Variants in CTNNA2 observed in about 807,000 individuals in gnomAD.
CTNNA2 encodes catenin alpha 2.
A neutral mutation model predicts 101.0 loss-of-function variants in CTNNA2; 42 were observed. That is an observed-to-expected ratio of 0.42 (90% CI 0.32 to 0.54). The LOEUF (loss-of-function observed/expected upper bound fraction) is 0.54. Among genes scored for constraint, CTNNA2 ranks in the 20% least tolerant of loss-of-function variants. The pLI, the probability that CTNNA2 is intolerant of heterozygous loss-of-function variation, is 0.14. For synonymous variants in CTNNA2, 450 were observed against 456.4 expected, an observed-to-expected ratio of 0.99 and a Z score of 0.18; for missense variants, 871 against 1,223.1, an observed-to-expected ratio of 0.71 and a Z score of 4.29.
intron 9 of CTNNA2, among the ~76,000 whole-genome samples, chr2:80,491,883 C>T (rs1408383491): frequency 6.6e-6 from 1 of 152,046 alleles, no homozygotes; most frequent in African/African-American, 2.4e-5. Context: ...AGAGCCAACC[C>T]GTATACTCCA....
Position 80,057,175 on chromosome 2 carries a change from GTTT to G in CTNNA2, c.1056+147391_1056+147393del, listed in dbSNP as rs1233768586. On this transcript the variant is annotated intron_variant, in intron 7 of 18. Coordinates refer to ENST00000402739, the MANE Select transcript of CTNNA2 (RefSeq NM_001282597.3). ...CCATGGGATAAGAAGTATATAAGTT[GTTT>G]TTTTTTTTTTTTAAGGAAGACTGAG... Among the ~76,000 whole-genome samples the G allele has an allele frequency of 1.1e-4, 15 of 142,232 alleles. 1 individual carries two copies. The highest frequency in any genetic ancestry group is 9.9e-4 in the Admixed American group (14 of 14,090). The allele number at this position is 142,232 out of a possible 152,430, so 93.3% of individuals were successfully genotyped here. A position where few individuals can be genotyped will look rare whatever the true frequency, so the allele number is the denominator to read the frequency against.
chr2:80,162,758 T>C, intron 7 of CTNNA2: 2 of 1,600,306 alleles, frequency 1.2e-6, no homozygotes, highest in African/African-American at 2.7e-5. Context: ...GATCCAGAGG[T>C]GAAGAAGCAA....
At chr2:80,184,205 CAA>C (rs1462908602) in intron 7 of CTNNA2, among the ~76,000 whole-genome samples, 1 of 151,960 alleles carries the variant, frequency 6.6e-6, no homozygotes, top group African/African-American at 2.4e-5. Context: ...TTGAAGGAGA[CAA>C]TGCTCATTTG....
chr2:80,279,891 C>A (rs987260901), intron 7 of CTNNA2, among the ~76,000 whole-genome samples: 1 of 151,902 alleles, frequency 6.6e-6, no homozygotes, highest in East Asian at 2.0e-4. Context: ...TCTAAAATGA[C>A]AATATTGGTT....
At chr2:79,886,774 A>G (rs1247618234) in intron 6 of CTNNA2, among the ~76,000 whole-genome samples, 1 of 148,900 alleles carries the variant, frequency 6.7e-6, no homozygotes, top group Non-Finnish European at 1.5e-5. Flanking sequence ...AAAAAAAAAA[A>G]AAGAAGGAAA....
chr2:79,748,526 T>C (rs1018423780), intron 3 of CTNNA2, among the ~76,000 whole-genome samples: 12 of 152,170 alleles, frequency 7.9e-5, no homozygotes, highest in African/African-American at 2.9e-4. Context: ...AAAAGTATTG[T>C]CACTTTTTGT....
At chr2:79,734,312 A>T (rs1213816336) in intron 2 of CTNNA2, among the ~76,000 whole-genome samples, 4 of 152,144 alleles carry the variant, frequency 2.6e-5, no homozygotes, top group African/African-American at 9.6e-5. Context: ...AGGATAACCT[A>T]GGTTGGCAAT....
chr2:80,274,471 A>G (rs995814873), intron 7 of CTNNA2, among the ~76,000 whole-genome samples: 27 of 152,212 alleles, frequency 1.8e-4, no homozygotes, highest in African/African-American at 6.0e-4. Flanking sequence ...TATTATGACA[A>G]CTGATCTTTC....
At chr2:79,607,970 G>A (rs1393242148) in intron 1 of CTNNA2, among the ~76,000 whole-genome samples, 1 of 151,434 alleles carries the variant, frequency 6.6e-6, no homozygotes, top group Non-Finnish European at 1.5e-5. Context: ...TGAAAACAAA[G>A]GCAGGTTGTT....
intron 7 of CTNNA2, among the ~76,000 whole-genome samples, chr2:79,919,515 TG>T (rs1307705065): frequency 6.6e-6 from 1 of 152,144 alleles, no homozygotes; most frequent in Non-Finnish European, 1.5e-5. Flanking sequence ...TAGCTGAGAT[TG>T]TTGACAGAGC....
intron 9 of CTNNA2, among the ~76,000 whole-genome samples, chr2:80,482,919 C>T (rs1009012957): frequency 4.6e-5 from 7 of 152,154 alleles, no homozygotes; most frequent in African/African-American, 1.4e-4. Context: ...GAAATTCAGG[C>T]CCACTTCCTT....
At chr2:79,222,443 T>A (rs1018014726) in intron 2 of CTNNA2, among the ~76,000 whole-genome samples, 1 of 152,264 alleles carries the variant, frequency 6.6e-6, no homozygotes, top group Middle Eastern at 3.4e-3. Context: ...CCAGTGTCAA[T>A]ATCAGCAGTG....
chr2:80,646,480 G>C (rs1674106404), intron 18 of CTNNA2, among the ~76,000 whole-genome samples: 1 of 152,026 alleles, frequency 6.6e-6, no homozygotes, highest in Non-Finnish European at 1.5e-5. Flanking sequence ...GGCTGATGGA[G>C]AGTCTAGGAA....
At chr2:79,504,078 G>A (rs944937081) in intron 4 of CTNNA2, among the ~76,000 whole-genome samples, 5 of 152,176 alleles carry the variant, frequency 3.3e-5, no homozygotes, top group African/African-American at 1.2e-4. Flanking sequence ...TGAAGATTTG[G>A]CTCATTCCCA....
Position 80,303,624 on chromosome 2 carries a change from C to G in CTNNA2, c.1057-89587C>G. The G allele has an allele frequency of 6.2e-7, 1 of 1,614,016 alleles. No individual in the cohort carries two copies. The highest frequency in any genetic ancestry group is 1.1e-5 in the South Asian group (1 of 91,058). On this transcript the variant is annotated intron_variant, in intron 7 of 18. Transcript: ENST00000402739. The surrounding 1 kb of genome is among the most constrained non-coding windows in gnomAD (Gnocchi z 7.7). ...TAGCGCAGGGACAAGCCCAGCAGGCCGGACAGGTTGTGGGGCGCCTCGGTG... is the reference window on the plus strand; with the variant it reads ...TAGCGCAGGGACAAGCCCAGCAGGCGGGACAGGTTGTGGGGCGCCTCGGTG...
intron 9 of CTNNA2, among the ~76,000 whole-genome samples, chr2:80,431,724 G>A (rs1681536276): frequency 6.6e-6 from 1 of 152,132 alleles, no homozygotes; most frequent in African/African-American, 2.4e-5. Context: ...CTGATCCGAT[G>A]TCTGAAACAC....
chr2:80,339,954 A>G (rs1331580598), intron 7 of CTNNA2, among the ~76,000 whole-genome samples: 2 of 152,220 alleles, frequency 1.3e-5, no homozygotes, highest in African/African-American at 4.8e-5. Context: ...ACGCCTTTAC[A>G]TTGGAACACC....
At chr2:79,685,305 A>C (rs140831648) in intron 2 of CTNNA2, among the ~76,000 whole-genome samples, 1 of 152,220 alleles carries the variant, frequency 6.6e-6, no homozygotes, top group African/African-American at 2.4e-5. Context: ...TATGGAATTT[A>C]TAGTCCAGTA....
At position 79,805,857 on chromosome 2, in the gene CTNNA2, G is replaced by A. The variant is rs181980549; in HGVS notation, c.299-52156G>A. Among the ~76,000 whole-genome samples, 459 of 151,908 alleles carry A rather than the reference G, an allele frequency of 3.0e-3. 2 individuals carry two copies. Among genetic ancestry groups the A allele is most frequent in the African/African-American group, 0.01 (425 of 41,420 alleles). ...GGAGGCTGAGGCAGGAGAATGGCGT[G>A]AACCTGGGAGGCGGAGCTTGCAGTG... On this transcript the variant is annotated intron_variant, in intron 3 of 18. Coordinates refer to ENST00000402739, the MANE Select transcript of CTNNA2 (RefSeq NM_001282597.3).
Sources: allele counts gnomAD v4.1 joint callset (sites outside exome capture counted in the v4.1 genomes callset), GRCh38; gene constraint gnomAD v4.1.1; non-coding constraint Gnocchi (gnomAD v3.1); transcripts MANE v1.5; gene names NCBI Gene and HGNC (gene_info 2026-07-23, HGNC 2026-07-21).